The following ATP2B1 variants were observed in gnomAD, a reference collection of about 807,000 sequenced individuals.
ATP2B1 encodes the protein ATPase plasma membrane Ca2+ transporting 1.
In ATP2B1, 14 loss-of-function variants were observed where a neutral mutation model predicts 124.2. The observed-to-expected ratio is 0.11, with a 90% CI of 0.07 to 0.18. The LOEUF (loss-of-function observed/expected upper bound fraction) is 0.18, where lower values mean the gene tolerates loss of function less well. ATP2B1 is among the 10% of genes least tolerant of loss of function. The pLI, the probability that ATP2B1 is intolerant of heterozygous loss-of-function variation, is 1.00. For missense variants in ATP2B1, 763 were observed against 1,466.1 expected, an observed-to-expected ratio of 0.52 and a Z score of 7.83; for synonymous variants, 449 against 492.4, an observed-to-expected ratio of 0.91 and a Z score of 1.17.
intron 20 of ATP2B1, chr12:89,594,842 T>C (rs1874280308): frequency 6.6e-6 from 1 of 151,932 alleles, no homozygotes; most frequent in African/African-American, 2.4e-5. Context: ...AGCTCTAAAA[T>C]ACTAATCACA....
At chr12:89,666,985 CAAACAA>C (rs1395454976) in intron 1 of ATP2B1, among the ~76,000 whole-genome samples, 1 of 151,842 alleles carries the variant, frequency 6.6e-6, no homozygotes, top group Non-Finnish European at 1.5e-5. Context: ...AAAAAACAAA[CAAACAA>C]AAACAAAAAA....
chr12:89,609,417 A>C (rs1877574794), intron 15 of ATP2B1, among the ~76,000 whole-genome samples: 2 of 152,224 alleles, frequency 1.3e-5, no homozygotes, highest in African/African-American at 4.8e-5. Context: ...TTTTCCAAAA[A>C]TAAAATGAAA....
At chr12:89,630,360 C>A in intron 6 of ATP2B1, 145 bp downstream of exon 6, 1 of 628,998 alleles carries the variant, frequency 1.6e-6, no homozygotes. Flanking sequence ...TCTCTAAAGG[C>A]CCATGCTATT....
rs187757606 is a variant in ATP2B1, at chr12:89,693,342, G to C, written c.-222+15254C>G. On this transcript the variant is annotated intron_variant, in intron 1 of 20. Transcript: ENST00000428670. Reference sequence around the variant, plus strand: ...TGATACGAAGTAACCATTGTGACAGGAGGAATGGAGCAGTATAGAAGGCTC... The same window carrying C: ...TGATACGAAGTAACCATTGTGACAGCAGGAATGGAGCAGTATAGAAGGCTC... 2.6e-5 allele frequency among the ~76,000 whole-genome samples: 4 copies of C among 152,316 alleles called. No individual in the cohort carries two copies. In the East Asian group the frequency reaches 7.7e-4, roughly 29 times the overall value.
rs549798148 is a variant in ATP2B1 at position 89,696,175 on chromosome 12, G to C, written c.-222+12421C>G. On this transcript the variant is annotated intron_variant, in intron 1 of 20. Coordinates refer to ENST00000428670, the MANE Select transcript of ATP2B1 (RefSeq NM_001366521.1). ...ATTCTTAAAAGTGCTATGGAAATTT[G>C]GAAAAGTAAAGCAGAGACCTGGAAA... is the stretch of plus-strand genomic sequence containing the variant. Among the ~76,000 whole-genome samples, 8 of 152,254 alleles carry C rather than the reference G, an allele frequency of 5.3e-5. No homozygotes were observed. The South Asian group carries it at 1.4e-3, about 28-fold the overall frequency.
intron 20 of ATP2B1, chr12:89,598,827 T>A (rs1875212181): frequency 1.3e-6 from 2 of 1,533,674 alleles, no homozygotes; most frequent in African/African-American, 1.4e-5. Context: ...TATCAACATA[T>A]AAAAAGAAAA....
intron 5 of ATP2B1, chr12:89,630,868 T>C (rs1283485899): frequency 5.6e-6 from 1 of 179,734 alleles, no homozygotes; most frequent in African/African-American, 2.4e-5. Context: ...ACAGCCTGGA[T>C]CTCCTGGGCT....
At chr12:89,662,996 T>C (rs1308580962) in intron 1 of ATP2B1, among the ~76,000 whole-genome samples, 1 of 152,220 alleles carries the variant, frequency 6.6e-6, no homozygotes, top group Non-Finnish European at 1.5e-5. Flanking sequence ...TACCTCTCTG[T>C]CCTTCCCAGT....
chr12:89,641,896 C>G, intron 3 of ATP2B1: 1 of 379,022 alleles, frequency 2.6e-6, no homozygotes, highest in South Asian at 4.0e-5. Context: ...ATATACATGG[C>G]ATAGGTCTGT....
In ATP2B1 at chr12:89,658,598, G is replaced by GGAGAGAGAGAGAGAGAGAGAGA. The variant is rs67298800; in HGVS notation, c.-221-2513_-221-2492dup. Among the ~76,000 whole-genome samples the GGAGAGAGAGAGAGAGAGAGAGA allele has an allele frequency of 5.5e-4, 38 of 69,580 alleles. 1 individual carries two copies. Among genetic ancestry groups the GGAGAGAGAGAGAGAGAGAGAGA allele is most frequent in the Admixed American group, 2.7e-3 (14 of 5,188 alleles). The allele number at this position is 69,580 out of a possible 152,430, so 45.6% of individuals were successfully genotyped here. ...AGAATTCAAACAGAGAATTCAAACA[G>GGAGAGAGAGAGAGAGAGAGAGA]GAGAGAGAGAGAGAGAGAGAGAGAG... On this transcript the variant is annotated intron_variant, in intron 1 of 20. Transcript: ENST00000428670.
At chr12:89,654,820 T>C (rs1885762380) in intron 2 of ATP2B1, among the ~76,000 whole-genome samples, 1 of 152,176 alleles carries the variant, frequency 6.6e-6, no homozygotes, top group Admixed American at 6.5e-5. Flanking sequence ...TATACTAATA[T>C]ACTTTAAAAT....
At chr12:89,687,503 CT>C (rs1295093446) in intron 1 of ATP2B1, among the ~76,000 whole-genome samples, 5 of 151,988 alleles carry the variant, frequency 3.3e-5, no homozygotes, top group African/African-American at 1.2e-4. Flanking sequence ...ACTTGAACAT[CT>C]GTGGGTTTTG....
At chr12:89,653,662 C>G (rs1001469815) in intron 2 of ATP2B1, among the ~76,000 whole-genome samples, 2 of 152,162 alleles carry the variant, frequency 1.3e-5, no homozygotes, top group Non-Finnish European at 2.9e-5. Context: ...AACATACTGT[C>G]AAAAGGGTAC....
intron 2 of ATP2B1, among the ~76,000 whole-genome samples, chr12:89,652,852 C>T (rs1477802805): frequency 6.6e-6 from 1 of 152,160 alleles, no homozygotes; most frequent in Non-Finnish European, 1.5e-5. Flanking sequence ...ATTCTCCTGC[C>T]TCAGCCTCCT....
At position 89,610,052 on chromosome 12, in the gene ATP2B1, C is replaced by T; in HGVS notation, c.2336-9G>A. The T allele has an allele frequency of 6.2e-7, 1 of 1,601,782 alleles. No individual in the cohort carries two copies. Among genetic ancestry groups the T allele is most frequent in the Non-Finnish European group, 8.5e-7 (1 of 1,170,338 alleles). On this transcript the variant is annotated splice_polypyrimidine_tract_variant and intron_variant, in intron 14 of 20. Transcript: ENST00000428670. ...AGTGCTGTCAATTATACCTTAAATA[C>T]AAGCAAATATTTGTGTTATAAAAAC...
In ATP2B1 at chr12:89,648,897, C is replaced by T. The variant is rs1206741211; in HGVS notation, c.209-6542G>A. ...GGCTCCAGCCTCTGCTCAAAGGGGC[C>T]CAGGAACAGCTTGGGCCACAGCTCT... On this transcript the variant is annotated intron_variant, in intron 2 of 20. Coordinates refer to ENST00000428670, the MANE Select transcript of ATP2B1 (RefSeq NM_001366521.1). Among the ~76,000 whole-genome samples the T allele has an allele frequency of 2.0e-5, 3 of 152,220 alleles. No individual in the cohort carries two copies. In the East Asian group the frequency reaches 5.8e-4, roughly 29 times the overall value.
At chr12:89,677,971 T>TATATATATATATATATACAC (rs1461216851) in intron 1 of ATP2B1, among the ~76,000 whole-genome samples, 62 of 52,310 alleles carry the variant, frequency 1.2e-3, no homozygotes, top group African/African-American at 4.2e-3. Context: ...TATATATATA[T>TATATATATATATATATACAC]ACACACACAC....
chr12:89,626,578 T>G lies in ATP2B1; in HGVS notation c.1005A>C (p.Pro335=), dbSNP rs1342501445. 1.2e-6 allele frequency: 2 copies of G among 1,612,626 alleles called. No individual in the cohort carries two copies. Among genetic ancestry groups the G allele is most frequent in the South Asian group, 1.1e-5 (1 of 90,692 alleles). The change falls in exon 8 of 21, where the codon CCA becomes CCC. Residue 335 remains proline, a synonymous_variant. Coordinates refer to ENST00000428670, the MANE Select transcript of ATP2B1 (RefSeq NM_001366521.1). ...AQDGAAMEMQ[P]LKSEEGGDGD... ...CATCTCCACCTTCTTCACTCTTCAA[T>G]GGCTGCATTTCCATGGCTGCACCAT... is the stretch of plus-strand genomic sequence containing the variant.
At chr12:89,669,988 G>A (rs926835540) in intron 1 of ATP2B1, among the ~76,000 whole-genome samples, 44 of 152,140 alleles carry the variant, frequency 2.9e-4, no homozygotes, top group Admixed American at 2.6e-3. Context: ...AGAAGAAAAG[G>A]AGAGTGACAC....
Sources: gnomAD v4.1 joint callset for allele counts (sites outside exome capture counted in the v4.1 genomes callset) on GRCh38, gnomAD v4.1.1 for gene constraint, MANE v1.5 for transcripts, NCBI Gene and HGNC (gene_info 2026-07-23, HGNC 2026-07-21) for gene names.